Variants in FGF14 observed in about 807,000 individuals in gnomAD.
The protein encoded by FGF14 is fibroblast growth factor 14, also known as fibroblast growth factor homologous factor 4.
Under a neutral mutation model 25.5 loss-of-function variants are expected in FGF14, and 5 were observed. The observed-to-expected ratio is 0.20, with a 90% CI of 0.10 to 0.41. FGF14 has a LOEUF of 0.41. FGF14 is among the 10% of genes least tolerant of loss of function. The probability of loss-of-function intolerance (pLI) is 1.00; values close to 1 mark genes in which losing one functional copy is unlikely to be tolerated. For missense variants in FGF14, 222 were observed against 320.1 expected (o/e 0.69, Z 2.34); for synonymous variants, 138 against 118.3 (o/e 1.17, Z -1.08).
intron 3 of FGF14, among the ~76,000 whole-genome samples, chr13:101,742,431 G>A (rs2036614974): frequency 6.6e-6 from 1 of 152,194 alleles, no homozygotes; most frequent in African/African-American, 2.4e-5. Flanking sequence ...CCTAAGCATA[G>A]TGCAGACATT....
chr13:101,833,918 C>A (rs1594417723), intron 3 of FGF14, among the ~76,000 whole-genome samples: 1 of 152,172 alleles, frequency 6.6e-6, no homozygotes, highest in South Asian at 2.1e-4. Context: ...TTTGTTATAT[C>A]CTGACACAAA....
intron 3 of FGF14, among the ~76,000 whole-genome samples, chr13:101,826,337 GA>G (rs2042392313): frequency 6.6e-6 from 1 of 152,014 alleles, no homozygotes; most frequent in African/African-American, 2.4e-5. Context: ...TGAGTCTGAG[GA>G]TAATTTGATT....
chr13:101,951,160 T>C (rs1224274141), intron 1 of FGF14, among the ~76,000 whole-genome samples: 1 of 152,210 alleles, frequency 6.6e-6, no homozygotes, highest in Non-Finnish European at 1.5e-5. Flanking sequence ...GAAGATTCTA[T>C]AAATCAGGCT....
chr13:102,171,092 A>C (rs1366622264), intron 1 of FGF14, among the ~76,000 whole-genome samples: 2 of 152,186 alleles, frequency 1.3e-5, no homozygotes, highest in South Asian at 2.1e-4. Flanking sequence ...CTGTAAAAAA[A>C]GTCAAAAACT....
chr13:101,731,326 ATC>A (rs1178923075), intron 3 of FGF14, among the ~76,000 whole-genome samples: 1 of 152,196 alleles, frequency 6.6e-6, no homozygotes, highest in Non-Finnish European at 1.5e-5. Context: ...AGTTTGATGT[ATC>A]TTTTTCTCAC....
chr13:102,341,305 T>C (rs907937745), intron 1 of FGF14, among the ~76,000 whole-genome samples: 3 of 151,970 alleles, frequency 2.0e-5, no homozygotes, highest in Non-Finnish European at 4.4e-5. Context: ...GAAAGAAAAA[T>C]CATTCCATTA....
intron 1 of FGF14, among the ~76,000 whole-genome samples, chr13:102,097,192 TAAAACTC>T: frequency 6.6e-6 from 1 of 152,362 alleles, no homozygotes; most frequent in South Asian, 2.1e-4. Context: ...TTGACTATGT[TAAAACTC>T]TAATTGGTTA....
At chr13:102,086,479 G>A (rs1000417631) in intron 1 of FGF14, among the ~76,000 whole-genome samples, 1 of 152,008 alleles carries the variant, frequency 6.6e-6, no homozygotes, top group Non-Finnish European at 1.5e-5. Flanking sequence ...GCAGTGAGCC[G>A]AGATCGAGCC....
chr13:101,789,536 C>G (rs2040109816), intron 3 of FGF14, among the ~76,000 whole-genome samples: 1 of 152,126 alleles, frequency 6.6e-6, no homozygotes, highest in Non-Finnish European at 1.5e-5. Flanking sequence ...CTCTGACCAT[C>G]ATAAAGTTGA....
intron 3 of FGF14, among the ~76,000 whole-genome samples, chr13:101,759,316 G>A (rs1391469377): frequency 1.3e-5 from 2 of 152,156 alleles, no homozygotes; most frequent in Non-Finnish European, 2.9e-5. Context: ...ACATGTATTA[G>A]GGAACCTGGG....
At chr13:102,229,106 C>T (rs1393940005) in intron 1 of FGF14, among the ~76,000 whole-genome samples, 1 of 152,048 alleles carries the variant, frequency 6.6e-6, no homozygotes, top group African/African-American at 2.4e-5. Context: ...CCAACCTTGC[C>T]CTAACACGTA....
intron 1 of FGF14, among the ~76,000 whole-genome samples, chr13:102,240,058 A>T (rs1177954150): frequency 6.6e-6 from 1 of 152,214 alleles, no homozygotes. Flanking sequence ...ATTTTAACAC[A>T]ATGCTTTTAC....
chr13:101,815,268 G>C (rs1298347899), intron 3 of FGF14, among the ~76,000 whole-genome samples: 2 of 152,166 alleles, frequency 1.3e-5, no homozygotes, highest in Non-Finnish European at 2.9e-5. Context: ...GAGTGATTAA[G>C]CCTGGGAAAC....
rs544001501 is a variant in FGF14, at chr13:102,385,699, TC to T, written c.208+15771del. Reference sequence around the variant, plus strand: ...GTCTTCAAATTACTATTAATATCAATCCTTTCTGAGTAGCTCTCTTGGGTGA... The same window carrying T: ...GTCTTCAAATTACTATTAATATCAATCTTTCTGAGTAGCTCTCTTGGGTGA... On this transcript the variant is annotated intron_variant, in intron 1 of 4. Transcript: ENST00000376131. 1.4e-4 allele frequency among the ~76,000 whole-genome samples: 22 copies of T among 152,266 alleles called. No homozygotes were observed. The East Asian group carries it at 4.1e-3, about 28-fold the overall frequency.
intron 3 of FGF14, among the ~76,000 whole-genome samples, chr13:101,740,558 G>C (rs1489062935): frequency 6.6e-6 from 1 of 152,172 alleles, no homozygotes. Flanking sequence ...TGAGGGAACA[G>C]AGTGTCAAGC....
chr13:101,780,931 C>T (rs1229105898), intron 3 of FGF14, among the ~76,000 whole-genome samples: 2 of 152,162 alleles, frequency 1.3e-5, no homozygotes, highest in Non-Finnish European at 2.9e-5. Context: ...ACAGCCCATG[C>T]ACCTGCATGG....
intron 1 of FGF14, chr13:102,292,522 T>C (rs1254329225): frequency 6.6e-6 from 1 of 152,176 alleles, no homozygotes; most frequent in Non-Finnish European, 1.5e-5. Flanking sequence ...ATATATCTAC[T>C]ACAGTGTCAG....
At chr13:102,016,513 G>A (rs1055007205) in intron 1 of FGF14, among the ~76,000 whole-genome samples, 14 of 152,058 alleles carry the variant, frequency 9.2e-5, no homozygotes, top group African/African-American at 2.9e-4. Context: ...AACATAATGT[G>A]AGCTGTATTG....
rs376758659 is a variant in FGF14, at chr13:101,913,311, G to A, written c.193+3142C>T. Among the ~76,000 whole-genome samples the A allele has an allele frequency of 4.1e-4, 63 of 152,240 alleles. 2 individuals carry two copies. In the South Asian group the frequency reaches 0.013, roughly 32 times the overall value. ...GATGGAGCTGAATCTGGAAAGGTGGGTTGCAGTCATGCTGCCTACCACACC... is the reference window on the plus strand; with the variant it reads ...GATGGAGCTGAATCTGGAAAGGTGGATTGCAGTCATGCTGCCTACCACACC... On this transcript the variant is annotated intron_variant, in intron 1 of 4. Transcript: ENST00000376143.
Sources: gnomAD v4.1 joint callset for allele counts (sites outside exome capture counted in the v4.1 genomes callset) on GRCh38, gnomAD v4.1.1 for gene constraint, MANE v1.5 for transcripts, NCBI Gene and HGNC (gene_info 2026-07-23, HGNC 2026-07-21) for gene names.